The following SYT2 variants were observed in gnomAD, a reference collection of about 807,000 sequenced individuals.
SYT2 encodes synaptotagmin 2, also known as synaptotagmin-2.
A neutral mutation model predicts 39.9 loss-of-function variants in SYT2; 15 were observed. The ratio of observed to expected loss-of-function variants is 0.38; its 90% confidence interval spans 0.25 to 0.58. The LOEUF is 0.58. Among genes scored for constraint, SYT2 ranks in the 20% least tolerant of loss-of-function variants. The pLI is 0.70. For synonymous variants in SYT2, 181 were observed against 204.5 expected (o/e 0.89, Z 0.98); for missense variants, 389 against 530.3 (o/e 0.73, Z 2.62).
In SYT2 at chr1:202,628,540, A is replaced by G. The variant is rs1398458044; in HGVS notation, c.-17-22751T>C. The stretch of plus-strand genomic sequence containing the variant: ...TTATCACCAACACCTATGACAGCTC[A>G]TGGTCTCCAGAAACTAAAGTGGAGC... On this transcript the variant is annotated intron_variant, in intron 1 of 8. Transcript: ENST00000367268. The surrounding 1 kb of genome is among the most constrained non-coding windows in gnomAD (Gnocchi z 4.2). Among the ~76,000 whole-genome samples the G allele has an allele frequency of 2.0e-5, 3 of 152,160 alleles. No homozygotes were observed. The highest frequency in any genetic ancestry group is 7.2e-5 in the African/African-American group (3 of 41,440).
intron 1 of SYT2, among the ~76,000 whole-genome samples, chr1:202,645,486 C>T (rs1558446851): frequency 6.6e-6 from 1 of 152,128 alleles, no homozygotes; most frequent in Non-Finnish European, 1.5e-5. Context: ...CAGCATCCTG[C>T]TTGACAGGGA....
chr1:202,671,274 G>A (rs1166672198), intron 1 of SYT2, among the ~76,000 whole-genome samples: 1 of 152,214 alleles, frequency 6.6e-6, no homozygotes, highest in Non-Finnish European at 1.5e-5. Flanking sequence ...GTTGGAGCCA[G>A]AGGAAAGTGC....
intron 1 of SYT2, among the ~76,000 whole-genome samples, chr1:202,705,489 G>A (rs1233487625): frequency 2.0e-5 from 3 of 152,236 alleles, no homozygotes; most frequent in Non-Finnish European, 4.4e-5. Context: ...GACCAAGGAA[G>A]GGCCTCTCCT....
chr1:202,687,260 T>C (rs1653691862), intron 1 of SYT2, among the ~76,000 whole-genome samples: 1 of 152,052 alleles, frequency 6.6e-6, no homozygotes, highest in African/African-American at 2.4e-5. Flanking sequence ...AGCCCCTGGT[T>C]TTCTTATCAC....
At chr1:202,709,197 C>G (rs763950362) in intron 1 of SYT2, among the ~76,000 whole-genome samples, 1 of 152,192 alleles carries the variant, frequency 6.6e-6, no homozygotes, top group Non-Finnish European at 1.5e-5. Flanking sequence ...AGTGGCCCCT[C>G]CTGGGCCAGC....
At chr1:202,682,367 A>G (rs1212876371) in intron 1 of SYT2, among the ~76,000 whole-genome samples, 1 of 152,210 alleles carries the variant, frequency 6.6e-6, no homozygotes, top group African/African-American at 2.4e-5. Context: ...GCATAAACAC[A>G]AAAAGTTAAA....
intron 1 of SYT2, among the ~76,000 whole-genome samples, chr1:202,697,723 G>A (rs542709983): frequency 6.6e-6 from 1 of 152,332 alleles, no homozygotes; most frequent in African/African-American, 2.4e-5. Flanking sequence ...GCTGATGAGT[G>A]TGCTGATTAA....
intron 1 of SYT2, among the ~76,000 whole-genome samples, chr1:202,704,371 T>C (rs550561627): frequency 6.6e-6 from 1 of 152,272 alleles, no homozygotes; most frequent in African/African-American, 2.4e-5. Context: ...CTCCTTTACA[T>C]CCCAGGTGCC....
At chr1:202,697,134 A>G (rs896448621) in intron 1 of SYT2, among the ~76,000 whole-genome samples, 1 of 152,258 alleles carries the variant, frequency 6.6e-6, no homozygotes, top group African/African-American at 2.4e-5. Flanking sequence ...GGCAGATGGC[A>G]GCTGCCACAG....
At chr1:202,661,343 G>A (rs962648909) in intron 1 of SYT2, among the ~76,000 whole-genome samples, 4 of 151,836 alleles carry the variant, frequency 2.6e-5, no homozygotes, top group Admixed American at 6.6e-5. Context: ...GCCACCTACT[G>A]GCTATGCCAA....
At position 202,605,773 on chromosome 1, in the gene SYT2, G is replaced by A; in HGVS notation, c.-1C>T. The A allele has an allele frequency of 6.2e-7, 1 of 1,613,676 alleles. No homozygotes were observed. Among genetic ancestry groups the A allele is most frequent in the Non-Finnish European group, 8.5e-7 (1 of 1,179,646 alleles). On this transcript the variant is annotated 5_prime_UTR_variant, in exon 2 of 9. Transcript: ENST00000367268. ...GGTTCCTCTTGAAAATGTTCCTCAT[G>A]GTGGCAGAGGAAACAGCTGGGGACG...
chr1:202,625,615 G>T (rs558180637), intron 1 of SYT2, among the ~76,000 whole-genome samples: 1 of 151,960 alleles, frequency 6.6e-6, no homozygotes, highest in Non-Finnish European at 1.5e-5. Flanking sequence ...CCTGCTGTCC[G>T]TCCAGGAGGC....
chr1:202,598,588 G>A (rs537251707), intron 8 of SYT2, among the ~76,000 whole-genome samples: 1 of 134,488 alleles, frequency 7.4e-6, no homozygotes, highest in Non-Finnish European at 1.6e-5. Flanking sequence ...CATGATAACC[G>A]ACCACTCTGC....
chr1:202,623,452 C>G lies in SYT2; in HGVS notation c.-17-17663G>C, dbSNP rs1691257879. On this transcript the variant is annotated intron_variant, in intron 1 of 8. Coordinates refer to ENST00000367268, the MANE Select transcript of SYT2 (RefSeq NM_177402.5). The surrounding 1 kb of genome is among the most constrained non-coding windows in gnomAD (Gnocchi z 4.2). Reference sequence around the variant, plus strand: ...AATCTTGGGCCTCCAGGGTTCCCCACTCCCCAGCACCCCACAACATCTCCC... The same window carrying G: ...AATCTTGGGCCTCCAGGGTTCCCCAGTCCCCAGCACCCCACAACATCTCCC... Among the ~76,000 whole-genome samples, 1 of 152,232 alleles carries G rather than the reference C, an allele frequency of 6.6e-6. No individual in the cohort carries two copies. The highest frequency in any genetic ancestry group is 2.1e-4 in the South Asian group (1 of 4,834).
chr1:202,661,548 G>T (rs1037212654), intron 1 of SYT2, among the ~76,000 whole-genome samples: 1 of 152,154 alleles, frequency 6.6e-6, no homozygotes, highest in Non-Finnish European at 1.5e-5. Context: ...ATTCCCTCGT[G>T]GTTGCCCTAT....
Position 202,595,537 on chromosome 1 carries a change from GCCATCTGTCCC to G in SYT2, c.*1209_*1219del, listed in dbSNP as rs1433784878. ...CTATATCTCCTCCCAAGGGATCTCA[GCCATCTGTCCC>G]CCATCCTCTTCTTACCACCCCCTTC... On this transcript the variant is annotated 3_prime_UTR_variant, in exon 9 of 9. Transcript: ENST00000367268. 6.6e-6 allele frequency: 1 copy of G among 152,252 alleles called. No homozygotes were observed. The highest frequency in any genetic ancestry group is 1.5e-5 in the Non-Finnish European group (1 of 68,078). The allele number at this position is 152,252 out of a possible 1,614,324, so 9.4% of individuals were successfully genotyped here.
chr1:202,651,973 G>A (rs981705643), intron 1 of SYT2, among the ~76,000 whole-genome samples: 4 of 152,216 alleles, frequency 2.6e-5, no homozygotes, highest in Admixed American at 6.5e-5. Flanking sequence ...CAGGAGAATC[G>A]CTTGAACCCG....
At chr1:202,706,915 T>G (rs983280378) in intron 1 of SYT2, among the ~76,000 whole-genome samples, 1 of 152,232 alleles carries the variant, frequency 6.6e-6, no homozygotes, top group Non-Finnish European at 1.5e-5. Context: ...CATTATTACC[T>G]CTGTTCTTTA....
intron 1 of SYT2, chr1:202,630,524 G>T (rs368541718): frequency 2.5e-6 from 1 of 402,264 alleles, no homozygotes; most frequent in South Asian, 1.0e-4. Context: ...GAAGAGGCTG[G>T]CCACTTTCCA....
Sources: allele counts gnomAD v4.1 joint callset (sites outside exome capture counted in the v4.1 genomes callset), GRCh38; gene constraint gnomAD v4.1.1; non-coding constraint Gnocchi (gnomAD v3.1); transcripts MANE v1.5; gene names NCBI Gene and HGNC (gene_info 2026-07-23, HGNC 2026-07-21).